The following BNC2 variants were observed in gnomAD, a reference collection of about 807,000 sequenced individuals.
The protein encoded by BNC2 is basonuclin zinc finger protein 2, also known as zinc finger protein basonuclin-2.
In BNC2, 20 loss-of-function variants were observed where a neutral mutation model predicts 76.3. The observed-to-expected ratio is 0.26, with a 90% CI of 0.18 to 0.38. BNC2 has a LOEUF of 0.38. Ranked by LOEUF, BNC2 falls within the 10% of genes least tolerant of loss-of-function variation. The pLI is 1.00. For synonymous variants in BNC2, 582 were observed against 514.8 expected (o/e 1.13, Z -1.77); for missense variants, 1,382 against 1,399.8 (o/e 0.99, Z 0.20).
chr9:16,861,126 G>C (rs1339733485), intron 1 of BNC2, among the ~76,000 whole-genome samples: 1 of 150,162 alleles, frequency 6.7e-6, no homozygotes, highest in East Asian at 2.0e-4. Context: ...AGGATCGCTT[G>C]AGGCCAGGAG....
At chr9:16,686,767 C>T (rs1181605831) in intron 3 of BNC2, among the ~76,000 whole-genome samples, 3 of 152,174 alleles carry the variant, frequency 2.0e-5, no homozygotes, top group Non-Finnish European at 4.4e-5. Flanking sequence ...CAGTATACTC[C>T]ACTTTGCAAG....
chr9:16,803,773 C>T (rs908837482), intron 1 of BNC2, among the ~76,000 whole-genome samples: 6 of 152,208 alleles, frequency 3.9e-5, no homozygotes, highest in African/African-American at 1.4e-4. Context: ...ACAGAATTTT[C>T]TCCAGTTTGC....
intron 1 of BNC2, among the ~76,000 whole-genome samples, chr9:16,860,071 G>A (rs1279403024): frequency 2.7e-5 from 4 of 150,054 alleles, no homozygotes; most frequent in African/African-American, 4.9e-5. Flanking sequence ...GCAGTGAGCC[G>A]AGATCACACC....
chr9:16,698,402 T>G (rs980124288), intron 3 of BNC2, among the ~76,000 whole-genome samples: 1 of 151,966 alleles, frequency 6.6e-6, no homozygotes, highest in Non-Finnish European at 1.5e-5. Context: ...TTAAAAGTCA[T>G]GATGAGGGCC....
At chr9:16,736,856 G>C (rs1824686553) in intron 2 of BNC2, among the ~76,000 whole-genome samples, 3 of 151,792 alleles carry the variant, frequency 2.0e-5, no homozygotes, top group African/African-American at 7.3e-5. Flanking sequence ...GTGCAGGCTG[G>C]AGTGCAACGG....
intron 3 of BNC2, chr9:16,705,048 G>A (rs1823625879): frequency 1.3e-5 from 2 of 152,158 alleles, no homozygotes; most frequent in Non-Finnish European, 2.9e-5. Flanking sequence ...ACCCTTCTAA[G>A]TGACCATCAC....
At chr9:16,728,046 G>C (rs755308937) in intron 2 of BNC2, 49 bp from the exon 3 acceptor site, 18 of 1,507,332 alleles carry the variant, frequency 1.2e-5, no homozygotes, top group Non-Finnish European at 1.5e-5. Flanking sequence ...CCAGTAGCAG[G>C]AGTGTAGTGT....
Position 16,493,664 on chromosome 9 carries a change from T to C in BNC2, c.670-56140A>G, listed in dbSNP as rs142211646. ...CCCTCAAGGAGCTTATGTGGTTTAA[T>C]GGAAGAGCTAGGCAAAAGGATAAAA... On this transcript the variant is annotated intron_variant, in intron 5 of 6. Transcript: ENST00000380672. Among the ~76,000 whole-genome samples, 45 of 152,302 alleles carry C rather than the reference T, an allele frequency of 3.0e-4. No individual in the cohort carries two copies. The East Asian group carries it at 8.3e-3, about 28-fold the overall frequency.
At chr9:16,823,565 T>C (rs1473994378) in intron 1 of BNC2, among the ~76,000 whole-genome samples, 1 of 151,372 alleles carries the variant, frequency 6.6e-6, no homozygotes, top group Non-Finnish European at 1.5e-5. Flanking sequence ...ATCACACCAC[T>C]GCACTCTAGC....
At position 16,436,143 on chromosome 9, in the gene BNC2, G is replaced by A. The variant is rs138187836; in HGVS notation, c.2051C>T (p.Pro684Leu). 5.6e-6 allele frequency: 9 copies of A among 1,614,130 alleles called. No homozygotes were observed. In the African/African-American group the frequency reaches 6.7e-5, roughly 12 times the overall value. Residue 684 changes from proline to leucine, a missense_variant, in exon 6 of 7, where the codon CCA becomes CTA. Pro to Leu is a moderately conservative substitution (Grantham distance 98, BLOSUM62 -3). Coordinates refer to ENST00000380672, the MANE Select transcript of BNC2 (RefSeq NM_017637.6). Reference protein sequence around the residue: ...NHCHSQEEMSPGMSVKDFSKH... With the variant: ...NHCHSQEEMSLGMSVKDFSKH... ...AGAAAAGTCCTTCACAGACATGCCTGGGCTCATCTCCTCTTGGGAGTGACA... is the reference window on the plus strand; with the variant it reads ...AGAAAAGTCCTTCACAGACATGCCTAGGCTCATCTCCTCTTGGGAGTGACA...
chr9:16,845,551 C>A (rs1263232559), intron 1 of BNC2, among the ~76,000 whole-genome samples: 1 of 151,746 alleles, frequency 6.6e-6, no homozygotes, highest in Non-Finnish European at 1.5e-5. Context: ...GAAACCCCAT[C>A]TCTACTAAAA....
At chr9:16,617,405 G>C (rs1399826816) in intron 3 of BNC2, among the ~76,000 whole-genome samples, 3 of 151,450 alleles carry the variant, frequency 2.0e-5, no homozygotes, top group Admixed American at 6.6e-5. Context: ...AATATGAAAA[G>C]AATTATGAAA....
chr9:16,645,957 T>C (rs1218681892), intron 3 of BNC2, among the ~76,000 whole-genome samples: 1 of 152,082 alleles, frequency 6.6e-6, no homozygotes, highest in African/African-American at 2.4e-5. Context: ...TTATCGAAAA[T>C]ACACATCAGG....
intron 1 of BNC2, among the ~76,000 whole-genome samples, chr9:16,790,775 G>T (rs1817482688): frequency 6.7e-6 from 1 of 148,928 alleles, no homozygotes; most frequent in Admixed American, 6.7e-5. Context: ...TAAATATATA[G>T]AGCCTCTAGA....
At position 16,413,784 on chromosome 9, in the gene BNC2, AAG is replaced by A. The variant is rs1393415489; in HGVS notation, c.*5203_*5204del. 3 of 152,192 alleles carry A rather than the reference AAG, an allele frequency of 2.0e-5. No homozygotes were observed. The highest frequency in any genetic ancestry group is 7.2e-5 in the African/African-American group (3 of 41,434). The allele number at this position is 152,192 out of a possible 1,614,324, so 9.4% of individuals were successfully genotyped here. A position where few individuals can be genotyped will look rare whatever the true frequency, so the allele number is the denominator to read the frequency against. On this transcript the variant is annotated 3_prime_UTR_variant, in exon 7 of 7. Transcript: ENST00000380672. ...TGGTTTATCTCTGAGGGAAAATGTG[AAG>A]AGAAGTTACTTACATACCTCATAGA...
At chr9:16,755,642 C>T (rs983139758) in intron 1 of BNC2, among the ~76,000 whole-genome samples, 1 of 152,042 alleles carries the variant, frequency 6.6e-6, no homozygotes, top group African/African-American at 2.4e-5. Flanking sequence ...TATATTTAGC[C>T]TAGATCTCCC....
intron 5 of BNC2, among the ~76,000 whole-genome samples, chr9:16,521,220 C>G (rs892117238): frequency 1.3e-5 from 2 of 152,204 alleles, no homozygotes; most frequent in African/African-American, 4.8e-5. Flanking sequence ...CAGGAAAGGT[C>G]TGCCAGAGGC....
chr9:16,747,468 C>G (rs748563188), intron 1 of BNC2, among the ~76,000 whole-genome samples: 20 of 152,154 alleles, frequency 1.3e-4, no homozygotes, highest in Admixed American at 9.2e-4. Flanking sequence ...AGGTACTATG[C>G]AAAACATAAA....
In BNC2 at chr9:16,583,051, T is replaced by C; in HGVS notation, c.365A>G (p.Glu122Gly). ...IRCTLVNCTC[E>G]CFQPGKINLR... is the part of the protein sequence containing the mutation. The stretch of plus-strand genomic sequence containing the variant: ...GTTAATCTTCCCTGGCTGAAAACAT[T>C]CACATGTGCAGTTTACCAGTGTGCA... The change falls in exon 4 of 7, where the codon GAA becomes GGA. Residue 122 changes from glutamate to glycine, a missense_variant. Around this residue, in one of 3 missense-constraint regions of BNC2, gnomAD observed 557 missense variants for 540.9 expected, o/e 1.03. Transcript: ENST00000380672. 6.2e-7 allele frequency: 1 copy of C among 1,614,040 alleles called. No homozygotes were observed. The highest frequency in any genetic ancestry group is 1.1e-5 in the South Asian group (1 of 91,082).
Sources: gnomAD v4.1 joint callset for allele counts (sites outside exome capture counted in the v4.1 genomes callset) on GRCh38, gnomAD v4.1.1 for gene constraint, gnomAD v4.1.1 regional missense constraint, MANE v1.5 for transcripts, NCBI Gene and HGNC (gene_info 2026-07-23, HGNC 2026-07-21) for gene names.